The following RORB variants were observed in gnomAD, a reference collection of about 807,000 sequenced individuals.
The protein encoded by RORB is RAR related orphan receptor B, also known as nuclear receptor ROR-beta.
In RORB, 6 loss-of-function variants were observed where a neutral mutation model predicts 59.1. The ratio of observed to expected loss-of-function variants is 0.10; its 90% CI spans 0.06 to 0.20. The LOEUF is 0.20. Among genes scored for constraint, RORB ranks in the 10% least tolerant of loss-of-function variants. The pLI is 1.00. For missense variants in RORB, 320 were observed against 560.5 expected, an observed-to-expected ratio of 0.57 and a Z score of 4.33; for synonymous variants, 215 against 204.5, an observed-to-expected ratio of 1.05 and a Z score of -0.44.
intron 1 of RORB, chr9:74,615,785 A>G (rs1041134623): frequency 2.8e-5 from 8 of 289,234 alleles, no homozygotes; most frequent in Admixed American, 9.3e-5. Context: ...TCAGGAATGT[A>G]TATAATAAAA....
chr9:74,686,171 A>G lies in RORB; in HGVS notation c.*553A>G, dbSNP rs909216712. 1 of 152,612 alleles carries G rather than the reference A, an allele frequency of 6.6e-6. No homozygotes were observed. Among genetic ancestry groups the G allele is most frequent in the African/African-American group, 2.4e-5 (1 of 41,452 alleles). 9.5% of individuals were successfully genotyped at this position (152,612 alleles called of 1,614,324 possible). ...GCACTGTGGCTTAAATACCATACCTACTAGCAATGGAGGTTCAGTCAGGCT... is the reference window on the plus strand; with the variant it reads ...GCACTGTGGCTTAAATACCATACCTGCTAGCAATGGAGGTTCAGTCAGGCT... On this transcript the variant is annotated 3_prime_UTR_variant, in exon 10 of 10. Transcript: ENST00000376896.
intron 1 of RORB, among the ~76,000 whole-genome samples, chr9:74,560,703 TATA>T (rs1300335410): frequency 1.3e-5 from 2 of 151,514 alleles, no homozygotes; most frequent in Non-Finnish European, 2.9e-5. Context: ...AATAAATTTA[TATA>T]ATAATAAACC....
At position 74,633,538 on chromosome 9, in the gene RORB, T is replaced by G. The variant is rs545747621; in HGVS notation, c.94-1093T>G. On this transcript the variant is annotated intron_variant, in intron 2 of 9. Transcript: ENST00000376896. Reference sequence around the variant, plus strand: ...ATGACACATTGCACTTTTCCTTTTTTGCTCTAGACAATTCAAAAGCAAAGA... The same window carrying G: ...ATGACACATTGCACTTTTCCTTTTTGGCTCTAGACAATTCAAAAGCAAAGA... Among the ~76,000 whole-genome samples, 10 of 152,348 alleles carry G rather than the reference T, an allele frequency of 6.6e-5. No homozygotes were observed. The South Asian group carries it at 1.7e-3, about 25-fold the overall frequency.
intron 4 of RORB, among the ~76,000 whole-genome samples, chr9:74,654,960 G>T (rs1414927339): frequency 2.0e-5 from 3 of 152,144 alleles, no homozygotes; most frequent in Non-Finnish European, 2.9e-5. Context: ...GAGGAATGTG[G>T]ATTTAATATT....
At chr9:74,571,058 A>T (rs1341960828) in intron 1 of RORB, among the ~76,000 whole-genome samples, 1 of 151,944 alleles carries the variant, frequency 6.6e-6, no homozygotes, top group East Asian at 1.9e-4. Context: ...TAACCTATGG[A>T]GAAATGTGTG....
chr9:74,525,858 A>G (rs1203734903), intron 1 of RORB, among the ~76,000 whole-genome samples: 1 of 152,034 alleles, frequency 6.6e-6, no homozygotes, highest in Non-Finnish European at 1.5e-5. Flanking sequence ...ACGTAGAGCC[A>G]ACGCTGAGAG....
At chr9:74,636,461 T>C (rs1448734140) in intron 3 of RORB, among the ~76,000 whole-genome samples, 1 of 152,072 alleles carries the variant, frequency 6.6e-6, no homozygotes, top group Non-Finnish European at 1.5e-5. Flanking sequence ...ACAGATTTAG[T>C]GACATCAGCC....
Position 74,499,696 on chromosome 9 carries a change from C to T in RORB, c.7+1713C>T, listed in dbSNP as rs549270746. Among the ~76,000 whole-genome samples the T allele has an allele frequency of 2.6e-5, 4 of 152,272 alleles. No individual in the cohort carries two copies. The East Asian group carries it at 5.8e-4, about 22-fold the overall frequency. On this transcript the variant is annotated intron_variant, in intron 1 of 9. Coordinates refer to ENST00000376896, the MANE Select transcript of RORB (RefSeq NM_006914.4). ...TAGAGAACCTTGGCTTAGTAAGAGA[C>T]GCCCGGTCTTTTGTTTTTCTTTTTC... is the stretch of plus-strand genomic sequence containing the variant.
At chr9:74,674,545 C>T (rs1405019149) in intron 9 of RORB, among the ~76,000 whole-genome samples, 2 of 152,180 alleles carry the variant, frequency 1.3e-5, no homozygotes, top group African/African-American at 2.4e-5. Flanking sequence ...AGTCACTGAA[C>T]TTCATCTTGC....
intron 1 of RORB, among the ~76,000 whole-genome samples, chr9:74,590,108 T>C (rs1157779356): frequency 2.6e-5 from 4 of 152,304 alleles, no homozygotes; most frequent in African/African-American, 7.2e-5. Flanking sequence ...TTTAAAATCC[T>C]GCTGGGCACA....
intron 1 of RORB, among the ~76,000 whole-genome samples, chr9:74,501,528 A>G (rs924201293): frequency 6.6e-6 from 1 of 152,222 alleles, no homozygotes; most frequent in Admixed American, 6.5e-5. Flanking sequence ...TCCATTAATA[A>G]TTGCTCATTA....
intron 1 of RORB, among the ~76,000 whole-genome samples, chr9:74,503,169 A>C (rs145695549): frequency 2.0e-5 from 3 of 152,060 alleles, no homozygotes; most frequent in Non-Finnish European, 4.4e-5. Context: ...TTTGTGATAT[A>C]ATGAATGATG....
intron 9 of RORB, among the ~76,000 whole-genome samples, chr9:74,683,479 C>T (rs143188548): frequency 7.2e-5 from 11 of 152,146 alleles, no homozygotes; most frequent in Non-Finnish European, 1.5e-4. Flanking sequence ...GAGAACATAA[C>T]GTGAACTATG....
At chr9:74,659,652 G>A (rs972047036) in intron 4 of RORB, among the ~76,000 whole-genome samples, 9 of 151,946 alleles carry the variant, frequency 5.9e-5, no homozygotes, top group Non-Finnish European at 1.0e-4. Context: ...CACCACACCT[G>A]GCTAATTTTT....
In RORB at chr9:74,547,858, C is replaced by T. The variant is rs574937226; in HGVS notation, c.7+49875C>T. Among the ~76,000 whole-genome samples the T allele has an allele frequency of 7.2e-5, 11 of 152,212 alleles. No homozygotes were observed. The East Asian group carries it at 2.1e-3, about 29-fold the overall frequency. Reference sequence around the variant, plus strand: ...AGGGTAGAATGGAGAGTGATATTATCTGACATGTTTTTTAAAAATCCTGGC... The same window carrying T: ...AGGGTAGAATGGAGAGTGATATTATTTGACATGTTTTTTAAAAATCCTGGC... On this transcript the variant is annotated intron_variant, in intron 1 of 9. Transcript: ENST00000376896.
At chr9:74,499,763 G>C (rs974072367) in intron 1 of RORB, among the ~76,000 whole-genome samples, 1 of 151,906 alleles carries the variant, frequency 6.6e-6, no homozygotes, top group Non-Finnish European at 1.5e-5. Flanking sequence ...GGTTTCCCCC[G>C]TCCCAGTCCA....
intron 8 of RORB, among the ~76,000 whole-genome samples, chr9:74,670,821 A>G (rs1282829302): frequency 3.9e-5 from 6 of 152,136 alleles, no homozygotes; most frequent in Non-Finnish European, 7.3e-5. Context: ...GACAATTGTC[A>G]CTGAAAGCTT....
At chr9:74,580,539 T>C (rs1220002430) in intron 1 of RORB, among the ~76,000 whole-genome samples, 1 of 152,168 alleles carries the variant, frequency 6.6e-6, no homozygotes, top group East Asian at 1.9e-4. Flanking sequence ...AATGGGAAGA[T>C]TAGAGAGACT....
chr9:74,537,123 A>G lies in RORB; in HGVS notation c.7+39140A>G, dbSNP rs140359170. On this transcript the variant is annotated intron_variant, in intron 1 of 9. Transcript: ENST00000376896. ...GCCAGTTAAGAGCCAAGCTGAAAAC[A>G]GAGTGCAGCTCTTTATTTTCTGAAT... Among the ~76,000 whole-genome samples the G allele has an allele frequency of 8.2e-3, 1,249 of 152,168 alleles. 7 individuals carry two copies. The highest frequency in any genetic ancestry group is 0.012 in the Non-Finnish European group (849 of 67,944).
Sources: allele counts gnomAD v4.1 joint callset (sites outside exome capture counted in the v4.1 genomes callset), GRCh38; gene constraint gnomAD v4.1.1; transcripts MANE v1.5; gene names NCBI Gene and HGNC (gene_info 2026-07-23, HGNC 2026-07-21).